LGR5: variants seen among roughly 807,000 people sequenced by gnomAD.
The protein encoded by LGR5 is leucine-rich repeat-containing G protein-coupled receptor 5.
A neutral mutation model predicts 76.7 loss-of-function variants in LGR5; 54 were observed. The observed-to-expected ratio is 0.70, with a 90% CI of 0.57 to 0.88. LGR5 has a LOEUF of 0.88. Among genes scored for constraint, LGR5 ranks in the 40% least tolerant of loss-of-function variants. LGR5 has a pLI of 0.00. For synonymous variants in LGR5, 406 were observed against 421.9 expected, an observed-to-expected ratio of 0.96 and a Z score of 0.46; for missense variants, 1,078 against 1,073.3, an observed-to-expected ratio of 1.00 and a Z score of -0.06.
chr12:71,501,710 A>T (rs1268984949), intron 1 of LGR5, among the ~76,000 whole-genome samples: 1 of 152,186 alleles, frequency 6.6e-6, no homozygotes, highest in Non-Finnish European at 1.5e-5. Flanking sequence ...TAAAATATTG[A>T]GCCTTGTATT....
chr12:71,462,275 G>C (rs1872712766), intron 1 of LGR5, among the ~76,000 whole-genome samples: 1 of 152,148 alleles, frequency 6.6e-6, no homozygotes, highest in South Asian at 2.1e-4. Flanking sequence ...TGAGAGTCTG[G>C]AGAGAGTTTC....
chr12:71,560,083 T>C (rs901129214), intron 7 of LGR5, among the ~76,000 whole-genome samples: 1 of 152,174 alleles, frequency 6.6e-6, no homozygotes, highest in African/African-American at 2.4e-5. Context: ...TAGTAAAGTA[T>C]GAGATGCATT....
chr12:71,537,570 C>T (rs1829175182), intron 4 of LGR5, among the ~76,000 whole-genome samples: 1 of 152,158 alleles, frequency 6.6e-6, no homozygotes, highest in Admixed American at 6.5e-5. Flanking sequence ...AAAAGGAGTG[C>T]CCTACCCATA....
intron 1 of LGR5, among the ~76,000 whole-genome samples, chr12:71,455,965 A>G (rs1465832465): frequency 8.5e-5 from 13 of 152,196 alleles, no homozygotes; most frequent in Admixed American, 8.5e-4. Context: ...TAAATAGAGT[A>G]TTGACAAATG....
At chr12:71,571,675 G>C in intron 12 of LGR5, 96 bp downstream of exon 12, 1 of 835,534 alleles carries the variant, frequency 1.2e-6, no homozygotes, top group East Asian at 2.5e-5. Context: ...GGTTCACTGG[G>C]GAGACATGTG....
intron 1 of LGR5, among the ~76,000 whole-genome samples, chr12:71,485,195 C>A (rs1434737976): frequency 6.6e-6 from 1 of 151,964 alleles, no homozygotes; most frequent in Non-Finnish European, 1.5e-5. Flanking sequence ...ATAATAATAG[C>A]AAATATGTAG....
intron 1 of LGR5, among the ~76,000 whole-genome samples, chr12:71,478,774 C>A (rs1291541102): frequency 6.6e-6 from 1 of 152,092 alleles, no homozygotes; most frequent in Non-Finnish European, 1.5e-5. Flanking sequence ...ATATTTTATT[C>A]TTTTGGAGAA....
intron 11 of LGR5, among the ~76,000 whole-genome samples, chr12:71,567,656 G>A (rs1878413579): frequency 6.6e-6 from 1 of 152,074 alleles, no homozygotes; most frequent in East Asian, 1.9e-4. Flanking sequence ...GCTTTACTTA[G>A]CAGCACTCAG....
chr12:71,570,888 T>G (rs564776482), intron 11 of LGR5, among the ~76,000 whole-genome samples: 1 of 152,332 alleles, frequency 6.6e-6, no homozygotes, highest in Non-Finnish European at 1.5e-5. Context: ...TGTTCTTATA[T>G]ATCTATGTTA....
intron 13 of LGR5, among the ~76,000 whole-genome samples, chr12:71,576,547 C>T (rs1455982600): frequency 1.3e-5 from 2 of 152,138 alleles, no homozygotes; most frequent in African/African-American, 4.8e-5. Context: ...CATTAGGGAG[C>T]TCTGGGGATG....
chr12:71,538,388 C>A (rs781359968), intron 4 of LGR5, among the ~76,000 whole-genome samples: 1 of 152,000 alleles, frequency 6.6e-6, no homozygotes, highest in Non-Finnish European at 1.5e-5. Flanking sequence ...TGGTGGCCTG[C>A]GCCTATAATC....
At chr12:71,444,913 G>A (rs1871915454) in intron 1 of LGR5, among the ~76,000 whole-genome samples, 2 of 152,042 alleles carry the variant, frequency 1.3e-5, no homozygotes, top group Admixed American at 1.3e-4. Context: ...TTTTATAACT[G>A]ATACTTAATT....
chr12:71,514,506 T>C (rs1368514848), intron 2 of LGR5, among the ~76,000 whole-genome samples: 1 of 145,556 alleles, frequency 6.9e-6, no homozygotes, highest in Non-Finnish European at 1.5e-5. Flanking sequence ...AGGCGGAGCT[T>C]GCAGTGAGCC....
intron 4 of LGR5, among the ~76,000 whole-genome samples, chr12:71,552,325 G>C (rs1877525993): frequency 6.6e-6 from 1 of 152,138 alleles, no homozygotes; most frequent in South Asian, 2.1e-4. Flanking sequence ...AGTACTTTGG[G>C]AGGCCGAGGT....
chr12:71,487,193 G>A (rs957399647), intron 1 of LGR5, among the ~76,000 whole-genome samples: 1 of 152,122 alleles, frequency 6.6e-6, no homozygotes, highest in Admixed American at 6.6e-5. Context: ...CAGGTTGAAT[G>A]GTTATGGTTT....
intron 4 of LGR5, among the ~76,000 whole-genome samples, chr12:71,550,156 CTT>C (rs1877401312): frequency 6.6e-6 from 1 of 151,812 alleles, no homozygotes; most frequent in East Asian, 1.9e-4. Context: ...ATTTTCAAGA[CTT>C]TTATTTTTTT....
chr12:71,526,869 C>T (rs949241124), intron 3 of LGR5, among the ~76,000 whole-genome samples: 5 of 151,966 alleles, frequency 3.3e-5, no homozygotes, highest in African/African-American at 4.8e-5. Context: ...ATAAGATGGC[C>T]GACTGAGGGG....
At chr12:71,488,073 T>G (rs1027102980) in intron 1 of LGR5, among the ~76,000 whole-genome samples, 6 of 152,196 alleles carry the variant, frequency 3.9e-5, no homozygotes, top group African/African-American at 1.4e-4. Flanking sequence ...TTAACTGTGT[T>G]TTTTCCTGTT....
intron 2 of LGR5, among the ~76,000 whole-genome samples, chr12:71,511,482 G>A (rs987470662): frequency 1.3e-5 from 2 of 152,108 alleles, no homozygotes; most frequent in African/African-American, 2.4e-5. Flanking sequence ...ACTACTCTAG[G>A]CTAGTGGTTC....
Sources: allele counts gnomAD v4.1 joint callset (sites outside exome capture counted in the v4.1 genomes callset), GRCh38; gene constraint gnomAD v4.1.1; transcripts MANE v1.5; gene names NCBI Gene and HGNC (gene_info 2026-07-23, HGNC 2026-07-21).